The following SEL1L2 variants were observed in gnomAD, a reference collection of about 807,000 sequenced individuals.
SEL1L2 encodes SEL1L2 adaptor subunit of SYVN1 ubiquitin ligase.
In SEL1L2, 89 loss-of-function variants were observed where a neutral mutation model predicts 98.8. The ratio of observed to expected loss-of-function variants is 0.90; its 90% CI spans 0.76 to 1.07. The LOEUF is 1.07. Ranked by LOEUF, SEL1L2 falls within the 50% of genes least tolerant of loss-of-function variation. The pLI, the probability that SEL1L2 is intolerant of heterozygous loss-of-function variation, is 0.00. For missense variants in SEL1L2, 788 were observed against 812.0 expected (o/e 0.97, Z 0.36); for synonymous variants, 262 against 278.5 (o/e 0.94, Z 0.59).
chr20:13,893,046 A>G (rs956900447), intron 5 of SEL1L2, among the ~76,000 whole-genome samples: 3 of 152,204 alleles, frequency 2.0e-5, no homozygotes, highest in Non-Finnish European at 4.4e-5. Context: ...AAATTCTTCA[A>G]TTGACCCCAA....
At chr20:13,887,735 G>T in intron 8 of SEL1L2, 34 bp downstream of exon 8, 1 of 1,370,944 alleles carries the variant, frequency 7.3e-7, no homozygotes, top group Non-Finnish European at 1.0e-6. Context: ...CTTGGCAACT[G>T]TTTATTTTAA....
intron 5 of SEL1L2, among the ~76,000 whole-genome samples, chr20:13,893,336 A>G (rs2047285145): frequency 6.6e-6 from 1 of 152,196 alleles, no homozygotes; most frequent in African/African-American, 2.4e-5. Flanking sequence ...TAACACAGGC[A>G]AATGGTAACC....
intron 2 of SEL1L2, among the ~76,000 whole-genome samples, chr20:13,946,524 C>A (rs928214852): frequency 7.2e-5 from 11 of 152,304 alleles, no homozygotes; most frequent in African/African-American, 2.6e-4. Flanking sequence ...TGGTGGTGGC[C>A]CACCTGGAGC....
upstream of SEL1L2, chr20:13,995,213 C>G (rs2052613111): frequency 1.1e-5 from 2 of 176,628 alleles, no homozygotes; most frequent in African/African-American, 4.8e-5. This position sits in a 1 kb window ranked among gnomAD's most constrained non-coding sequence, Gnocchi z 4.3. Flanking sequence ...TAAGCGCGGT[C>G]CACCTCCCTC....
chr20:13,911,268 G>A (rs183150406), intron 5 of SEL1L2, among the ~76,000 whole-genome samples: 3 of 152,292 alleles, frequency 2.0e-5, no homozygotes, highest in Non-Finnish European at 2.9e-5. Context: ...ACTACATTAC[G>A]TTTGACACAT....
chr20:13,898,272 C>T (rs2047510096), intron 5 of SEL1L2, among the ~76,000 whole-genome samples: 1 of 152,088 alleles, frequency 6.6e-6, no homozygotes, highest in East Asian at 1.9e-4. Flanking sequence ...GGCAGATAGC[C>T]CATCCCCTGA....
At chr20:13,930,260 G>A (rs527573247) in intron 3 of SEL1L2, among the ~76,000 whole-genome samples, 1 of 152,316 alleles carries the variant, frequency 6.6e-6, no homozygotes, top group Admixed American at 6.5e-5. Context: ...GTGAGGTGGG[G>A]CTGTTTCTTC....
chr20:13,991,134 A>C (rs1349045922), upstream of SEL1L2, among the ~76,000 whole-genome samples: 3 of 152,228 alleles, frequency 2.0e-5, no homozygotes, highest in Non-Finnish European at 2.9e-5. Flanking sequence ...CAGATAATAC[A>C]GACATCTCAC....
chr20:13,979,983 T>C (rs1601022252), intron 1 of SEL1L2, among the ~76,000 whole-genome samples: 1 of 152,204 alleles, frequency 6.6e-6, no homozygotes, highest in Non-Finnish European at 1.5e-5. Context: ...GTATCTAAAA[T>C]ATATAAGAAA....
intron 8 of SEL1L2, among the ~76,000 whole-genome samples, chr20:13,886,981 C>T (rs181884565): frequency 3.3e-5 from 5 of 152,088 alleles, no homozygotes; most frequent in Non-Finnish European, 1.5e-5. Context: ...TCAGACTCTA[C>T]TGAAGATCTT....
chr20:13,934,759 A>T (rs1386317681), intron 2 of SEL1L2, among the ~76,000 whole-genome samples: 1 of 151,418 alleles, frequency 6.6e-6, no homozygotes, highest in Non-Finnish European at 1.5e-5. Context: ...TTTTCACCAC[A>T]TCCATGCCAA....
At chr20:13,880,708 T>TCTC (rs2046657410) in intron 10 of SEL1L2, among the ~76,000 whole-genome samples, 1 of 152,130 alleles carries the variant, frequency 6.6e-6, no homozygotes, top group Non-Finnish European at 1.5e-5. Flanking sequence ...AAGATGTACA[T>TCTC]CTCCTCCCAC....
intron 3 of SEL1L2, among the ~76,000 whole-genome samples, chr20:13,921,527 T>C (rs1217954125): frequency 6.6e-6 from 1 of 152,038 alleles, no homozygotes; most frequent in Non-Finnish European, 1.5e-5. Flanking sequence ...TTTTCTTTAC[T>C]ATAAGAGGGT....
intron 10 of SEL1L2, among the ~76,000 whole-genome samples, chr20:13,882,729 T>C (rs1409079749): frequency 2.0e-5 from 3 of 151,846 alleles, no homozygotes; most frequent in Admixed American, 1.3e-4. Flanking sequence ...ATTAAATAAA[T>C]GGTTATTATT....
rs182780530 is a variant in SEL1L2, at chr20:13,919,583, G to A, written c.284-460C>T. Among the ~76,000 whole-genome samples, 461 of 152,300 alleles carry A rather than the reference G, an allele frequency of 3.0e-3. 1 individual carries two copies. The highest frequency in any genetic ancestry group is 0.011 in the African/African-American group (445 of 41,562). On this transcript the variant is annotated intron_variant, in intron 3 of 19. Coordinates refer to ENST00000284951, the MANE Select transcript of SEL1L2 (RefSeq NM_025229.2). ...GGACATGGGCAACAGGCATCTCCAA[G>A]ATGACCAGTGTGCACCTAGGAGAGG...
intron 3 of SEL1L2, 149 bp from the exon 4 acceptor site, chr20:13,919,272 T>G (rs762350018): frequency 6.4e-5 from 37 of 574,216 alleles, no homozygotes; most frequent in Non-Finnish European, 5.4e-5. Context: ...GTTAATATTA[T>G]TTCTTAGCTG....
At chr20:13,984,765 T>C (rs2052071634) in intron 1 of SEL1L2, among the ~76,000 whole-genome samples, 3 of 152,156 alleles carry the variant, frequency 2.0e-5, no homozygotes, top group African/African-American at 7.2e-5. Flanking sequence ...ATTTGCTTTT[T>C]TTGCTATTAA....
intron 5 of SEL1L2, among the ~76,000 whole-genome samples, chr20:13,910,428 A>G (rs191170284): frequency 8.5e-5 from 13 of 152,332 alleles, no homozygotes; most frequent in Non-Finnish European, 1.8e-4. Context: ...TAGAGAAGTA[A>G]CTTCTTCAGA....
intron 1 of SEL1L2, among the ~76,000 whole-genome samples, chr20:13,958,025 T>C (rs2050619355): frequency 6.6e-6 from 1 of 152,188 alleles, no homozygotes; most frequent in African/African-American, 2.4e-5. Flanking sequence ...TTAAATATTA[T>C]TATAAATAAA....
Sources: gnomAD v4.1 joint callset for allele counts (sites outside exome capture counted in the v4.1 genomes callset) on GRCh38, gnomAD v4.1.1 for gene constraint, Gnocchi (gnomAD v3.1) non-coding constraint, MANE v1.5 for transcripts, NCBI Gene and HGNC (gene_info 2026-07-23, HGNC 2026-07-21) for gene names.